The following PIK3R4 variants were observed in gnomAD, a reference collection of about 807,000 sequenced individuals.
The protein encoded by PIK3R4 is phosphoinositide 3-kinase regulatory subunit 4.
Under a neutral mutation model 136.5 loss-of-function variants are expected in PIK3R4, and 46 were observed. That is an observed-to-expected ratio of 0.34 (90% CI 0.27 to 0.43). PIK3R4 has a LOEUF of 0.43. Among genes scored for constraint, PIK3R4 ranks in the 20% least tolerant of loss-of-function variants. PIK3R4 has a pLI of 1.00. For synonymous variants in PIK3R4, 557 were observed against 566.7 expected, an observed-to-expected ratio of 0.98 and a Z score of 0.24; for missense variants, 1,331 against 1,649.5, an observed-to-expected ratio of 0.81 and a Z score of 3.35.
chr3:130,690,725 T>C, intron 13 of PIK3R4, 71 bp from the exon 14 acceptor site: 1 of 891,552 alleles, frequency 1.1e-6, no homozygotes, highest in Non-Finnish European at 1.7e-6. Flanking sequence ...CACATGGCCA[T>C]TAGCAAGCAA....
intron 7 of PIK3R4, among the ~76,000 whole-genome samples, chr3:130,719,903 G>A (rs11713407): frequency 0.2 from 29,890 of 152,066 alleles, 3,166 homozygotes; most frequent in South Asian, 0.35. Flanking sequence ...CCATCACCAT[G>A]AGAACATGAT....
In PIK3R4 at chr3:130,679,429, T is replaced by C. The variant is rs1156238108; in HGVS notation, c.3963A>G (p.Pro1321=). Residue 1321 remains proline, a synonymous_variant, in exon 20 of 20, where the codon CCA becomes CCG. Coordinates refer to ENST00000356763, the MANE Select transcript of PIK3R4 (RefSeq NM_014602.3). ...GPSDDTPRRG[P]ESLPVGHHDI... The stretch of plus-strand genomic sequence containing the variant: ...CATGATGTCCCACGGGCAGGGACTC[T>C]GGGCCCCTTCGAGGGGTGTCATCAC... The C allele has an allele frequency of 1.2e-6, 2 of 1,612,962 alleles. No individual in the cohort carries two copies. The highest frequency in any genetic ancestry group is 1.7e-6 in the Non-Finnish European group (2 of 1,179,142).
chr3:130,701,797 T>C (rs2066576375), intron 13 of PIK3R4, among the ~76,000 whole-genome samples: 1 of 151,986 alleles, frequency 6.6e-6, no homozygotes. Context: ...CTGAACTTTT[T>C]AGAGGGCACA....
chr3:130,699,452 A>C (rs1246442946), intron 13 of PIK3R4, among the ~76,000 whole-genome samples: 2 of 152,208 alleles, frequency 1.3e-5, no homozygotes, highest in Non-Finnish European at 2.9e-5. Flanking sequence ...GCTAGTTTTC[A>C]TAACTACCAT....
intron 13 of PIK3R4, among the ~76,000 whole-genome samples, chr3:130,691,048 C>T (rs1352794318): frequency 6.6e-6 from 1 of 152,004 alleles, no homozygotes; most frequent in African/African-American, 2.4e-5. Flanking sequence ...TGACTACAGG[C>T]GTGCATCACC....
In PIK3R4 at chr3:130,708,413, A is replaced by C; in HGVS notation, c.2411T>G (p.Ile804Arg). ...MMKSNKAKAN[I>R]VDQSHLHDSS... The stretch of plus-strand genomic sequence containing the variant: ...ATCATGAAGATGGCTCTGGTCCACT[A>C]TATTGGCCTTTGCTTTATTAGATTT... Residue 804 changes from isoleucine (I) to arginine (R), a missense_variant, in exon 10 of 20, where the codon ATA (isoleucine) becomes AGA (arginine). By Grantham distance (97) the Ile-to-Arg change is moderately conservative (BLOSUM62 -3). This residue lies in a region of PIK3R4 where 1,180 missense variants were observed against 1,407.0 expected (regional missense o/e 0.84). Coordinates refer to ENST00000356763, the MANE Select transcript of PIK3R4 (RefSeq NM_014602.3). 1 of 1,613,760 alleles carries C rather than the reference A, an allele frequency of 6.2e-7. No homozygotes were observed. Among genetic ancestry groups the C allele is most frequent in the Non-Finnish European group, 8.5e-7 (1 of 1,179,730 alleles).
intron 7 of PIK3R4, among the ~76,000 whole-genome samples, chr3:130,722,589 T>C (rs556757401): frequency 6.6e-5 from 10 of 152,322 alleles, no homozygotes; most frequent in Non-Finnish European, 1.0e-4. Context: ...CAATGTATTA[T>C]GTGAAATTAT....
intron 14 of PIK3R4, among the ~76,000 whole-genome samples, chr3:130,687,344 T>G (rs567277414): frequency 6.6e-6 from 1 of 152,318 alleles, no homozygotes; most frequent in South Asian, 2.1e-4. Context: ...AGATTAGAAA[T>G]GTTTAACCTG....
At chr3:130,686,523 G>C in intron 14 of PIK3R4, 101 bp from the exon 15 acceptor site, 1 of 702,720 alleles carries the variant, frequency 1.4e-6, no homozygotes, top group Non-Finnish European at 2.5e-6. Flanking sequence ...CAAGAAACCA[G>C]AGCTATGTGA....
chr3:130,698,669 T>G (rs1263207861), intron 13 of PIK3R4, among the ~76,000 whole-genome samples: 1 of 152,214 alleles, frequency 6.6e-6, no homozygotes, highest in South Asian at 2.1e-4. Flanking sequence ...CTATGTCTAG[T>G]AAGGTTTTTT....
intron 13 of PIK3R4, among the ~76,000 whole-genome samples, chr3:130,697,942 T>C (rs564210963): frequency 3.4e-4 from 51 of 152,222 alleles, no homozygotes; most frequent in Admixed American, 5.9e-4. Flanking sequence ...CTCTTTTTAT[T>C]TATCTTGAAA....
chr3:130,684,236 GC>G lies in PIK3R4; in HGVS notation c.3607+13del. Reference sequence around the variant, plus strand: ...AAAATCTCCCAACACATGAAAGCCAGCCCTCCATCTTACCTGCAATCACCCA... The same window carrying G: ...AAAATCTCCCAACACATGAAAGCCAGCCTCCATCTTACCTGCAATCACCCA... On this transcript the variant is annotated intron_variant, in intron 16 of 19. Transcript: ENST00000356763. 1 of 1,608,720 alleles carries G rather than the reference GC, an allele frequency of 6.2e-7. No individual in the cohort carries two copies. Among genetic ancestry groups the G allele is most frequent in the Non-Finnish European group, 8.5e-7 (1 of 1,175,998 alleles).
chr3:130,686,453 C>A, intron 14 of PIK3R4, 31 bp from the exon 15 acceptor site: 1 of 1,366,588 alleles, frequency 7.3e-7, no homozygotes, highest in South Asian at 1.2e-5. Flanking sequence ...CAGACGTTTC[C>A]AGTCACTGAA....
intron 17 of PIK3R4, 113 bp downstream of exon 17, chr3:130,681,378 C>A (rs1366821969): frequency 9.4e-6 from 7 of 748,654 alleles, no homozygotes; most frequent in Non-Finnish European, 1.6e-5. Flanking sequence ...ATTAAAAACC[C>A]AAATTTAAAC....
chr3:130,727,368 C>A (rs1293857458), intron 6 of PIK3R4, among the ~76,000 whole-genome samples: 30 of 152,152 alleles, frequency 2.0e-4, no homozygotes. Context: ...CGAGTACAGG[C>A]ACCCGCCACC....
Position 130,718,547 on chromosome 3 carries a change from AG to A in PIK3R4, c.1982-14del, listed in dbSNP as rs577932876. ...CACAGGAAGGGGGCTAAAGAGGAAAAGAAAAGGTAGGGATCAAATAAGTTAT... is the reference window on the plus strand; with the variant it reads ...CACAGGAAGGGGGCTAAAGAGGAAAAAAAAGGTAGGGATCAAATAAGTTAT... On this transcript the variant is annotated splice_polypyrimidine_tract_variant and intron_variant, in intron 7 of 19. Coordinates refer to ENST00000356763, the MANE Select transcript of PIK3R4 (RefSeq NM_014602.3). 2.3e-4 allele frequency: 366 copies of A among 1,613,504 alleles called. No individual in the cohort carries two copies. The African/African-American group carries it at 4.5e-3, about 20-fold the overall frequency.
chr3:130,729,282 G>A (rs761876716), intron 5 of PIK3R4, among the ~76,000 whole-genome samples: 2 of 152,046 alleles, frequency 1.3e-5, no homozygotes, highest in Non-Finnish European at 2.9e-5. Flanking sequence ...AGCAAGGATC[G>A]TTTCTATCGT....
At chr3:130,737,280 T>A (rs2066791464) in intron 2 of PIK3R4, among the ~76,000 whole-genome samples, 2 of 152,136 alleles carry the variant, frequency 1.3e-5, no homozygotes, top group Admixed American at 1.3e-4. Flanking sequence ...TCCTTACTGT[T>A]TTTCCCCCAT....
chr3:130,708,208 A>T (rs550783012), intron 10 of PIK3R4, 83 bp downstream of exon 10: 1 of 1,099,338 alleles, frequency 9.1e-7, no homozygotes, highest in Admixed American at 2.1e-5. Context: ...GGGGCTTTTT[A>T]TTTTATTATT....
Sources: gnomAD v4.1 joint callset for allele counts (sites outside exome capture counted in the v4.1 genomes callset) on GRCh38, gnomAD v4.1.1 for gene constraint, gnomAD v4.1.1 regional missense constraint, MANE v1.5 for transcripts, NCBI Gene and HGNC (gene_info 2026-07-23, HGNC 2026-07-21) for gene names.